JAK2: variants seen among roughly 807,000 people sequenced by gnomAD.
JAK2 encodes the protein tyrosine-protein kinase JAK2.
JAK2 carries 86 observed loss-of-function variants against 139.3 expected under a neutral mutation model. That is an observed-to-expected ratio of 0.62 (90% CI 0.52 to 0.74). The LOEUF (loss-of-function observed/expected upper bound fraction) is 0.74. Ranked by LOEUF, JAK2 falls within the 30% of genes least tolerant of loss-of-function variation. The pLI, the probability that JAK2 is intolerant of heterozygous loss-of-function variation, is 0.00. For missense variants in JAK2, 1,421 were observed against 1,360.3 expected (o/e 1.04, Z -0.70); for synonymous variants, 490 against 437.7 (o/e 1.12, Z -1.49).
At chr9:5,003,803 C>G (rs770417250) in intron 2 of JAK2, among the ~76,000 whole-genome samples, 2 of 151,932 alleles carry the variant, frequency 1.3e-5, no homozygotes, top group Non-Finnish European at 2.9e-5. Context: ...AGAACAAGAT[C>G]AATATTTTAC....
At chr9:5,109,586 C>T (rs528709675) in intron 22 of JAK2, 1 of 152,256 alleles carries the variant, frequency 6.6e-6, no homozygotes, top group South Asian at 2.1e-4. Flanking sequence ...AAGATTCATA[C>T]CCAAATTACA....
intron 22 of JAK2, among the ~76,000 whole-genome samples, chr9:5,121,395 T>C (rs940566485): frequency 1.3e-5 from 2 of 152,222 alleles, no homozygotes; most frequent in Admixed American, 6.5e-5. Context: ...ACGTAGTTTA[T>C]TCTAAATTCA....
chr9:5,069,001 T>C, intron 10 of JAK2, 21 bp from the exon 11 acceptor site: 1 of 1,432,248 alleles, frequency 7.0e-7, no homozygotes, highest in South Asian at 1.3e-5. Flanking sequence ...CCTCCCTTTC[T>C]TTATAATTAA....
chr9:5,109,789 A>C (rs926173118), intron 22 of JAK2: 2 of 152,194 alleles, frequency 1.3e-5, no homozygotes, highest in Admixed American at 1.3e-4. Context: ...TCTCAATATG[A>C]TATATAAACT....
At chr9:5,116,061 AT>A (rs201609224) in intron 22 of JAK2, among the ~76,000 whole-genome samples, 20 of 151,746 alleles carry the variant, frequency 1.3e-4, no homozygotes, top group South Asian at 2.1e-4. Context: ...GTATAATAAA[AT>A]TTAAAAAAAA....
chr9:5,031,724 T>C (rs535267611), intron 4 of JAK2, among the ~76,000 whole-genome samples: 9 of 152,292 alleles, frequency 5.9e-5, no homozygotes, highest in African/African-American at 1.7e-4. Flanking sequence ...TTGTCAACTA[T>C]AAAAATTTTC....
intron 22 of JAK2, chr9:5,096,890 TGGG>T (rs1166411624): frequency 6.6e-6 from 1 of 152,170 alleles, no homozygotes; most frequent in Non-Finnish European, 1.5e-5. Context: ...CAATTATAAT[TGGG>T]GGTTTCGGCA....
chr9:5,072,934 C>T (rs541591644), intron 13 of JAK2, among the ~76,000 whole-genome samples: 1 of 151,822 alleles, frequency 6.6e-6, no homozygotes, highest in South Asian at 2.1e-4. Flanking sequence ...ACAGAGGCTC[C>T]TCTACAATTA....
chr9:5,011,935 C>T (rs1355633872), intron 2 of JAK2, among the ~76,000 whole-genome samples: 1 of 152,110 alleles, frequency 6.6e-6, no homozygotes, highest in African/African-American at 2.4e-5. Context: ...AGATATTTAC[C>T]AGTTCCCTCT....
intron 4 of JAK2, among the ~76,000 whole-genome samples, chr9:5,030,694 T>C (rs1823085774): frequency 6.6e-6 from 1 of 152,096 alleles, no homozygotes; most frequent in Non-Finnish European, 1.5e-5. Context: ...AGATAATGTA[T>C]ATATAATATT....
intron 2 of JAK2, among the ~76,000 whole-genome samples, chr9:4,990,462 G>C (rs1456375263): frequency 6.6e-6 from 1 of 152,154 alleles, no homozygotes; most frequent in Admixed American, 6.6e-5. Flanking sequence ...GGATGGGCAA[G>C]TGAAAATTGA....
intron 22 of JAK2, among the ~76,000 whole-genome samples, chr9:5,115,770 A>G (rs541750360): frequency 1.3e-5 from 2 of 152,354 alleles, no homozygotes; most frequent in African/African-American, 4.8e-5. Context: ...AGGGACAAAG[A>G]TGAAGCTAGA....
At chr9:5,029,494 T>A (rs1822998701) in intron 3 of JAK2, among the ~76,000 whole-genome samples, 1 of 152,134 alleles carries the variant, frequency 6.6e-6, no homozygotes, top group African/African-American at 2.4e-5. Flanking sequence ...GCTGACAGAC[T>A]TACTAGATTC....
intron 4 of JAK2, among the ~76,000 whole-genome samples, chr9:5,034,434 A>G (rs1156443402): frequency 6.6e-6 from 1 of 152,114 alleles, no homozygotes; most frequent in Non-Finnish European, 1.5e-5. Flanking sequence ...TCAACAGAAT[A>G]TATATTTTCA....
intron 2 of JAK2, among the ~76,000 whole-genome samples, chr9:5,011,906 C>T (rs918882714): frequency 2.6e-5 from 4 of 152,106 alleles, no homozygotes; most frequent in African/African-American, 4.8e-5. Flanking sequence ...GCTTTTCTGG[C>T]GTTTCAGTGG....
At position 5,089,764 on chromosome 9, in the gene JAK2, A is replaced by G. The variant is rs1426814242; in HGVS notation, c.2662A>G (p.Thr888Ala). The G allele has an allele frequency of 1.3e-6, 2 of 1,597,872 alleles. No individual in the cohort carries two copies. The highest frequency in any genetic ancestry group is 1.7e-6 in the Non-Finnish European group (2 of 1,171,768). The part of the protein sequence containing the change: ...VVAVKKLQHS[T>A]EEHLRDFERE... Reference sequence around the variant, plus strand: ...CGCTGTAAAAAAGCTTCAGCATAGTACTGAAGAGCACCTAAGAGACTTTGA... The same window carrying G: ...CGCTGTAAAAAAGCTTCAGCATAGTGCTGAAGAGCACCTAAGAGACTTTGA... Residue 888 changes from threonine to alanine, a missense_variant, in exon 20 of 25, where the codon ACT becomes GCT. Physicochemically the swap from Thr to Ala is moderately conservative, Grantham distance 58. Coordinates refer to ENST00000381652, the MANE Select transcript of JAK2 (RefSeq NM_004972.4).
intron 22 of JAK2, among the ~76,000 whole-genome samples, chr9:5,118,347 C>T (rs1322903469): frequency 1.3e-5 from 2 of 152,068 alleles, no homozygotes; most frequent in African/African-American, 2.4e-5. Context: ...TTTGGATAAT[C>T]TTATGATCAC....
chr9:5,012,309 T>C lies in JAK2; in HGVS notation c.-25-9654T>C, dbSNP rs140470500. 3.0e-3 allele frequency among the ~76,000 whole-genome samples: 461 copies of C among 152,262 alleles called. 4 individuals are homozygous for C. Among genetic ancestry groups the C allele is most frequent in the African/African-American group, 0.01 (423 of 41,556 alleles). ...TATTCCCCTTCTTTCAAGGGTCATA[T>C]CCCCCCGATTTGTATCTGCTTTTGT... On this transcript the variant is annotated intron_variant, in intron 2 of 24. Coordinates refer to ENST00000381652, the MANE Select transcript of JAK2 (RefSeq NM_004972.4).
At chr9:5,124,739 C>G (rs1292409693) in intron 23 of JAK2, among the ~76,000 whole-genome samples, 1 of 151,506 alleles carries the variant, frequency 6.6e-6, no homozygotes, top group Non-Finnish European at 1.5e-5. Flanking sequence ...GAATAGAAAA[C>G]CCAGAAATAA....
Sources: allele counts gnomAD v4.1 joint callset (sites outside exome capture counted in the v4.1 genomes callset), GRCh38; gene constraint gnomAD v4.1.1; transcripts MANE v1.5; gene names NCBI Gene and HGNC (gene_info 2026-07-23, HGNC 2026-07-21).